WWOX: variants seen among roughly 807,000 people sequenced by gnomAD.
WWOX encodes the protein WW domain containing oxidoreductase.
Under a neutral mutation model 46.2 loss-of-function variants are expected in WWOX, and 69 were observed. The ratio of observed to expected loss-of-function variants is 1.49; its 90% CI spans 1.23 to 1.82. The LOEUF is 1.82. Among genes scored for constraint, WWOX ranks in the 40% most tolerant of loss-of-function variants. The probability of loss-of-function intolerance (pLI) is 0.00; values close to 1 mark genes in which losing one functional copy is unlikely to be tolerated. For synonymous variants in WWOX, 359 were observed against 202.6 expected (o/e 1.77, Z -6.56); for missense variants, 919 against 542.6 (o/e 1.69, Z -6.89).
chr16:78,630,821 A>C (rs1026876947), intron 8 of WWOX, among the ~76,000 whole-genome samples: 1 of 152,278 alleles, frequency 6.6e-6, no homozygotes, highest in Middle Eastern at 3.4e-3. Flanking sequence ...ACCAGACCTC[A>C]AGAAAATAGC....
At chr16:78,990,254 T>TC (rs1176311971) in intron 8 of WWOX, among the ~76,000 whole-genome samples, 2 of 151,676 alleles carry the variant, frequency 1.3e-5, no homozygotes, top group African/African-American at 4.8e-5. Context: ...GGGCCTCCAT[T>TC]CCCCCCATGC....
intron 8 of WWOX, among the ~76,000 whole-genome samples, chr16:78,803,242 G>A (rs1003035596): frequency 6.9e-5 from 10 of 145,114 alleles, no homozygotes; most frequent in Admixed American, 2.8e-4. Context: ...AGAAGTGAGA[G>A]TTTTTTTTTT....
At chr16:79,071,335 G>A (rs1049749787) in intron 8 of WWOX, among the ~76,000 whole-genome samples, 11 of 152,118 alleles carry the variant, frequency 7.2e-5, no homozygotes, top group African/African-American at 2.4e-4. Context: ...TTTGAAGTTG[G>A]TGTACTTGTT....
chr16:78,221,380 C>T (rs1011706156), intron 5 of WWOX, among the ~76,000 whole-genome samples: 2 of 151,948 alleles, frequency 1.3e-5, no homozygotes, highest in Admixed American at 1.3e-4. Context: ...ATACATAAAA[C>T]TTCCTCTAGC....
At chr16:78,503,092 G>GT (rs1175025077) in intron 8 of WWOX, among the ~76,000 whole-genome samples, 2 of 152,190 alleles carry the variant, frequency 1.3e-5, no homozygotes, top group African/African-American at 4.8e-5. Flanking sequence ...GTTGCTGACT[G>GT]TTTTTGAGAT....
intron 8 of WWOX, among the ~76,000 whole-genome samples, chr16:78,772,462 A>C (rs2050088265): frequency 6.6e-6 from 1 of 152,056 alleles, no homozygotes. Context: ...ATTTAGGTTG[A>C]TTCCAGTAGA....
intron 8 of WWOX, among the ~76,000 whole-genome samples, chr16:78,544,516 C>G (rs908299306): frequency 3.3e-5 from 5 of 152,158 alleles, no homozygotes; most frequent in South Asian, 2.1e-4. Context: ...AGTTGTAATT[C>G]CCATGCAGAA....
At chr16:78,127,354 C>G (rs1408442862) in intron 4 of WWOX, among the ~76,000 whole-genome samples, 1 of 151,992 alleles carries the variant, frequency 6.6e-6, no homozygotes. Flanking sequence ...TTCCTGGTTC[C>G]CAGATCCTCA....
At chr16:78,610,635 C>A (rs1035926299) in intron 8 of WWOX, among the ~76,000 whole-genome samples, 1 of 151,944 alleles carries the variant, frequency 6.6e-6, no homozygotes, top group Non-Finnish European at 1.5e-5. Flanking sequence ...ATCTGTTGCC[C>A]CTTCTCCTAA....
chr16:78,976,634 G>A, intron 8 of WWOX, among the ~76,000 whole-genome samples: 1 of 152,192 alleles, frequency 6.6e-6, no homozygotes, highest in East Asian at 1.9e-4. Context: ...CACCCGCGAA[G>A]ATAAGACCAT....
At chr16:78,854,096 G>A (rs867612242) in intron 8 of WWOX, among the ~76,000 whole-genome samples, 5 of 152,054 alleles carry the variant, frequency 3.3e-5, no homozygotes, top group Non-Finnish European at 5.9e-5. Context: ...GCATTTACAC[G>A]ATTGTTTTTA....
intron 8 of WWOX, among the ~76,000 whole-genome samples, chr16:78,490,756 C>G (rs1007969660): frequency 6.6e-6 from 1 of 152,202 alleles, no homozygotes; most frequent in Admixed American, 6.5e-5. Flanking sequence ...TTCAGCTACA[C>G]CTTACCAAGC....
At chr16:79,136,132 A>G (rs2049977528) in intron 8 of WWOX, among the ~76,000 whole-genome samples, 1 of 152,140 alleles carries the variant, frequency 6.6e-6, no homozygotes. Context: ...TCAACGTCCA[A>G]CTGCCAATGT....
At chr16:78,785,537 G>C (rs922390034) in intron 8 of WWOX, among the ~76,000 whole-genome samples, 4 of 152,018 alleles carry the variant, frequency 2.6e-5, no homozygotes, top group Non-Finnish European at 5.9e-5. Context: ...CTGAAATATG[G>C]GTAGCATATA....
At chr16:78,819,889 C>G (rs924041566) in intron 8 of WWOX, among the ~76,000 whole-genome samples, 1 of 152,184 alleles carries the variant, frequency 6.6e-6, no homozygotes, top group Non-Finnish European at 1.5e-5. Flanking sequence ...GAACTCGATT[C>G]TGAGTCTCCT....
At chr16:78,785,644 A>T (rs775126912) in intron 8 of WWOX, among the ~76,000 whole-genome samples, 4 of 152,226 alleles carry the variant, frequency 2.6e-5, no homozygotes, top group African/African-American at 9.6e-5. Context: ...TTGCTGCGCT[A>T]TTATATCCAT....
At chr16:78,677,210 T>C (rs141697153) in intron 8 of WWOX, among the ~76,000 whole-genome samples, 5 of 152,254 alleles carry the variant, frequency 3.3e-5, no homozygotes, top group Admixed American at 6.5e-5. Context: ...CAGGCTCTTC[T>C]CAAACCTGAA....
chr16:79,025,971 T>G (rs1470645792), intron 8 of WWOX, among the ~76,000 whole-genome samples: 1 of 148,968 alleles, frequency 6.7e-6, no homozygotes, highest in Non-Finnish European at 1.5e-5. Flanking sequence ...GCTAATGTTT[T>G]TGGATTTTTA....
intron 8 of WWOX, among the ~76,000 whole-genome samples, chr16:79,055,560 A>C (rs995167912): frequency 6.6e-5 from 10 of 152,126 alleles, no homozygotes; most frequent in Admixed American, 5.2e-4. Flanking sequence ...AATCAGAAAG[A>C]AGTTACTTCC....
Sources: allele counts gnomAD v4.1 joint callset (sites outside exome capture counted in the v4.1 genomes callset), GRCh38; gene constraint gnomAD v4.1.1; transcripts MANE v1.5; gene names NCBI Gene and HGNC (gene_info 2026-07-23, HGNC 2026-07-21).